Variants in WWP2 observed in about 807,000 individuals in gnomAD.
WWP2 encodes WW domain containing E3 ubiquitin protein ligase 2.
WWP2 carries 57 observed loss-of-function variants against 121.0 expected under a neutral mutation model. The ratio of observed to expected loss-of-function variants is 0.47; its 90% CI spans 0.38 to 0.59. The LOEUF (loss-of-function observed/expected upper bound fraction) is 0.59, where lower values mean the gene tolerates loss of function less well. Among genes scored for constraint, WWP2 ranks in the 20% least tolerant of loss-of-function variants. WWP2 has a pLI of 0.00. For missense variants in WWP2, 962 were observed against 1,158.9 expected (o/e 0.83, Z 2.47); for synonymous variants, 449 against 441.3 (o/e 1.02, Z -0.22).
At chr16:69,784,020 C>A (rs2055724251) in intron 1 of WWP2, among the ~76,000 whole-genome samples, 1 of 151,558 alleles carries the variant, frequency 6.6e-6, no homozygotes, top group Admixed American at 6.6e-5. Context: ...GGTCCTCAGA[C>A]ATTGGGAGGT....
intron 6 of WWP2, among the ~76,000 whole-genome samples, chr16:69,870,206 G>T (rs1349663767): frequency 6.6e-6 from 1 of 151,968 alleles, no homozygotes; most frequent in African/African-American, 2.4e-5. Context: ...ATATGTAAAT[G>T]CATAGCACAC....
intron 6 of WWP2, among the ~76,000 whole-genome samples, chr16:69,861,073 G>A (rs540599343): frequency 6.6e-6 from 1 of 152,198 alleles, no homozygotes; most frequent in African/African-American, 2.4e-5. Flanking sequence ...TTCCTCCTGT[G>A]CACAGTGGAG....
chr16:69,792,391 T>C (rs2055931860), intron 2 of WWP2, among the ~76,000 whole-genome samples: 1 of 152,244 alleles, frequency 6.6e-6, no homozygotes, highest in African/African-American at 2.4e-5. Flanking sequence ...TTTGTCTTTA[T>C]ATGATTTTTG....
intron 2 of WWP2, among the ~76,000 whole-genome samples, chr16:69,792,352 C>T (rs1311131773): frequency 2.6e-5 from 4 of 152,012 alleles, no homozygotes; most frequent in South Asian, 4.1e-4. Context: ...TATTGTGGTC[C>T]CTTCTTAAGA....
At chr16:69,793,528 A>G (rs754462591) in intron 2 of WWP2, among the ~76,000 whole-genome samples, 2 of 151,964 alleles carry the variant, frequency 1.3e-5, no homozygotes, top group Non-Finnish European at 2.9e-5. Context: ...GGGACTAGGG[A>G]ATGGGTGCTG....
chr16:69,871,708 A>G (rs1597087638), intron 6 of WWP2, 96 bp from the exon 7 acceptor site: 1 of 1,537,192 alleles, frequency 6.5e-7, no homozygotes, highest in East Asian at 2.3e-5. Context: ...TTTCCAATAA[A>G]TGGCAGGAGA....
Position 69,935,707 on chromosome 16 carries a change from G to A in WWP2, c.1843-146G>A, listed in dbSNP as rs538680416. 1.2e-5 allele frequency: 15 copies of A among 1,210,018 alleles called. No individual in the cohort carries two copies. The highest frequency in any genetic ancestry group is 4.7e-5 in the East Asian group (2 of 42,284). 75.0% of individuals were successfully genotyped at this position (1,210,018 alleles called of 1,614,324 possible). ...CGTTGTTTACTCCTGAGGCCCTCCC[G>A]CTGCGTCCGAGGCAGCTGCTGCTGT... On this transcript the variant is annotated intron_variant, in intron 17 of 23. Coordinates refer to ENST00000359154, the MANE Select transcript of WWP2 (RefSeq NM_001270454.2). The surrounding 1 kb of genome is among the most constrained non-coding windows in gnomAD (Gnocchi z 5.2).
intron 8 of WWP2, among the ~76,000 whole-genome samples, chr16:69,905,070 C>T (rs1112183): frequency 0.083 from 12,643 of 152,190 alleles, 771 homozygotes; most frequent in East Asian, 0.34. Context: ...ATAAGGCAGA[C>T]GCCCAGCTGT....
chr16:69,910,800 G>A lies in WWP2; in HGVS notation c.1004+1950G>A, dbSNP rs575239374. ...CATGGAATTTAAGTAAAGATATTCA[G>A]TGGTACCTTCTAAGGATCGCTGGGG... On this transcript the variant is annotated intron_variant, in intron 9 of 23. Transcript: ENST00000359154. Among the ~76,000 whole-genome samples the A allele has an allele frequency of 7.9e-5, 12 of 152,324 alleles. No individual in the cohort carries two copies. In the East Asian group the frequency reaches 2.3e-3, roughly 29 times the overall value.
At chr16:69,800,816 C>T (rs1164729315) in intron 4 of WWP2, among the ~76,000 whole-genome samples, 1 of 151,610 alleles carries the variant, frequency 6.6e-6, no homozygotes, top group Non-Finnish European at 1.5e-5. Flanking sequence ...CTGCCCGCCT[C>T]ATCCTCCCAA....
intron 8 of WWP2, among the ~76,000 whole-genome samples, chr16:69,908,379 G>A (rs945584090): frequency 6.6e-6 from 1 of 152,218 alleles, no homozygotes; most frequent in Admixed American, 6.5e-5. Context: ...TTTGTCCTAA[G>A]TGCATTTTGA....
chr16:69,819,128 C>T lies in WWP2; in HGVS notation c.340+19833C>T, dbSNP rs12444607. ...TGCCTTTAGGATATATTCTGGGATC[C>T]GACCATCTGTCACTGTGACTGCTGC... On this transcript the variant is annotated intron_variant, in intron 4 of 23. Coordinates refer to ENST00000359154, the MANE Select transcript of WWP2 (RefSeq NM_001270454.2). Among the ~76,000 whole-genome samples, 130 of 152,244 alleles carry T rather than the reference C, an allele frequency of 8.5e-4. 1 individual carries two copies. The highest frequency in any genetic ancestry group is 6.6e-3 in the Admixed American group (101 of 15,280).
chr16:69,815,348 C>T (rs1323656261), intron 4 of WWP2, among the ~76,000 whole-genome samples: 1 of 152,172 alleles, frequency 6.6e-6, no homozygotes, highest in African/African-American at 2.4e-5. Context: ...TACTCTGTCA[C>T]TCAGGCTAGG....
chr16:69,917,979 G>A, intron 10 of WWP2, 96 bp downstream of exon 10: 1 of 1,450,020 alleles, frequency 6.9e-7, no homozygotes, highest in African/African-American at 1.4e-5. Context: ...AGTGAGCAGG[G>A]AAAACAGCGT....
At position 69,812,468 on chromosome 16, in the gene WWP2, AC is replaced by A. The variant is rs747172682; in HGVS notation, c.340+13182del. The stretch of plus-strand genomic sequence containing the variant: ...GCATGAGACACCGCGCCTGCCCCCA[AC>A]CCCCCCCCTTTTTTTTTTTTTTTAA... On this transcript the variant is annotated intron_variant, in intron 4 of 23. Transcript: ENST00000359154. Among the ~76,000 whole-genome samples, 941 of 101,742 alleles carry A rather than the reference AC, an allele frequency of 9.2e-3. 39 individuals are homozygous for A. Among genetic ancestry groups the A allele is most frequent in the African/African-American group, 0.03 (756 of 25,490 alleles). 66.7% of individuals were successfully genotyped at this position (101,742 alleles called of 152,430 possible).
chr16:69,850,373 T>A (rs1365714743), intron 6 of WWP2, among the ~76,000 whole-genome samples: 2 of 134,244 alleles, frequency 1.5e-5, no homozygotes, highest in East Asian at 2.3e-4. Flanking sequence ...GGCAACAGAC[T>A]GAGACTCCAT....
At chr16:69,939,220 A>C in intron 22 of WWP2, 97 bp downstream of exon 22, 1 of 1,559,166 alleles carries the variant, frequency 6.4e-7, no homozygotes, top group Non-Finnish European at 8.8e-7. Context: ...CGTCAGTGGG[A>C]TGGAGAAGAG....
rs1389904244 is a variant in WWP2, at chr16:69,908,031, A to G, written c.915-730A>G. 2.0e-5 allele frequency among the ~76,000 whole-genome samples: 3 copies of G among 152,288 alleles called. No homozygotes were observed. The East Asian group carries it at 5.8e-4, about 29-fold the overall frequency. ...CAAGGTGGGTGGGTCGCTTGAGCTC[A>G]GGGGTTCCAGACCAGCCTGGGCAAC... On this transcript the variant is annotated intron_variant, in intron 8 of 23. Coordinates refer to ENST00000359154, the MANE Select transcript of WWP2 (RefSeq NM_001270454.2).
intron 4 of WWP2, among the ~76,000 whole-genome samples, chr16:69,821,403 C>T (rs560696773): frequency 6.6e-6 from 1 of 152,330 alleles, no homozygotes; most frequent in African/African-American, 2.4e-5. Flanking sequence ...TTCCAACAAT[C>T]CTGCACCCTG....
Sources: gnomAD v4.1 joint callset for allele counts (sites outside exome capture counted in the v4.1 genomes callset) on GRCh38, gnomAD v4.1.1 for gene constraint, Gnocchi (gnomAD v3.1) non-coding constraint, MANE v1.5 for transcripts, NCBI Gene and HGNC (gene_info 2026-07-23, HGNC 2026-07-21) for gene names.